SRCIN1: variants seen among roughly 807,000 people sequenced by gnomAD.
SRCIN1 encodes the protein SRC kinase signaling inhibitor 1.
SRCIN1 carries 50 observed loss-of-function variants against 116.2 expected under a neutral mutation model. That is an observed-to-expected ratio of 0.43 (90% CI 0.34 to 0.54). The LOEUF is 0.54. SRCIN1 is among the 20% of genes least tolerant of loss of function. The pLI, the probability that SRCIN1 is intolerant of heterozygous loss-of-function variation, is 0.02. For synonymous variants in SRCIN1, 736 were observed against 750.0 expected (o/e 0.98, Z 0.30); for missense variants, 1,446 against 1,672.0 (o/e 0.86, Z 2.36).
At chr17:38,541,213 C>T (rs933376481) in intron 18 of SRCIN1, 4 of 149,886 alleles carry the variant, frequency 2.7e-5, no homozygotes, top group African/African-American at 7.5e-5. Context: ...CACTCCAGCC[C>T]GGGTGACAGT....
chr17:38,594,496 C>T (rs548528264), intron 1 of SRCIN1, among the ~76,000 whole-genome samples: 36 of 152,124 alleles, frequency 2.4e-4, no homozygotes, highest in African/African-American at 8.7e-4. Context: ...GAAAATAGCC[C>T]CTCTCCTAAG....
rs1042661000 is a variant in SRCIN1, at chr17:38,568,967, A to C, written c.325-736T>G. Among the ~76,000 whole-genome samples the C allele has an allele frequency of 1.4e-5, 2 of 148,046 alleles. No homozygotes were observed. Among genetic ancestry groups the C allele is most frequent in the Non-Finnish European group, 3.1e-5 (2 of 65,176 alleles). Reference sequence around the variant, plus strand: ...GGAGGGGGGCTGGGGCCCAAGGCCAAGAGAGAGAGGCCTATGCAGCATGGT... The same window carrying C: ...GGAGGGGGGCTGGGGCCCAAGGCCACGAGAGAGAGGCCTATGCAGCATGGT... On this transcript the variant is annotated intron_variant, in intron 2 of 18. Transcript: ENST00000617146. This position sits in a 1 kb window ranked among gnomAD's most constrained non-coding sequence, Gnocchi z 4.5.
In SRCIN1 at chr17:38,544,271, C is replaced by A. The variant is rs1434144916; in HGVS notation, c.3271-302G>T. On this transcript the variant is annotated intron_variant, in intron 17 of 18. Transcript: ENST00000617146. The surrounding 1 kb of genome is among the most constrained non-coding windows in gnomAD (Gnocchi z 4.5). ...GGCAGCTGATGCCCTCCTTGGGGAG[C>A]CTCTGCTAAAGTGAGGGTCCCCAGC... Among the ~76,000 whole-genome samples the A allele has an allele frequency of 2.0e-5, 3 of 152,080 alleles. No individual in the cohort carries two copies. The highest frequency in any genetic ancestry group is 4.4e-5 in the Non-Finnish European group (3 of 67,984).
chr17:38,558,213 G>T lies in SRCIN1; in HGVS notation c.2201+14C>A, dbSNP rs568962841. On this transcript the variant is annotated intron_variant, in intron 11 of 18. Coordinates refer to ENST00000617146, the MANE Select transcript of SRCIN1 (RefSeq NM_025248.3). This position sits in a 1 kb window ranked among gnomAD's most constrained non-coding sequence, Gnocchi z 4.6. ...GCACCCCCACCCCTCCCTCCGCCGCGGGCCCAGCCTCACTTGAGCTGCTGG... is the reference window on the plus strand; with the variant it reads ...GCACCCCCACCCCTCCCTCCGCCGCTGGCCCAGCCTCACTTGAGCTGCTGG... 3 of 1,603,542 alleles carry T rather than the reference G, an allele frequency of 1.9e-6. No homozygotes were observed. The highest frequency in any genetic ancestry group is 8.5e-7 in the Non-Finnish European group (1 of 1,172,470).
chr17:38,543,086 C>T (rs1039102440), intron 18 of SRCIN1: 8 of 456,598 alleles, frequency 1.8e-5, no homozygotes, highest in African/African-American at 6.0e-5. Context: ...TAAACACCCA[C>T]AGGTGAGGTA....
At chr17:38,545,082 G>A (rs1904998151) in intron 17 of SRCIN1, 1 of 152,722 alleles carries the variant, frequency 6.5e-6, no homozygotes, top group Non-Finnish European at 1.5e-5. Flanking sequence ...CATGTCCAGA[G>A]TCCTTGAGGA....
At chr17:38,538,193 C>A (rs1362248264) in intron 18 of SRCIN1, among the ~76,000 whole-genome samples, 1 of 150,758 alleles carries the variant, frequency 6.6e-6, no homozygotes, top group Non-Finnish European at 1.5e-5. Context: ...CTGAGGTGGG[C>A]GAATCACGAG....
At chr17:38,598,864 G>GT (rs1306387621) in intron 1 of SRCIN1, among the ~76,000 whole-genome samples, 2 of 152,170 alleles carry the variant, frequency 1.3e-5, no homozygotes, top group Non-Finnish European at 2.9e-5. Context: ...GAGGAAAACA[G>GT]TGAGTTTAGA....
At chr17:38,559,548 G>A in intron 10 of SRCIN1, 37 bp downstream of exon 10, 1 of 1,583,382 alleles carries the variant, frequency 6.3e-7, no homozygotes, top group Non-Finnish European at 8.5e-7. Flanking sequence ...ACCAGTAGGT[G>A]GGCGTTGGTG....
At chr17:38,561,080 T>C (rs1042299489) in intron 7 of SRCIN1, among the ~76,000 whole-genome samples, 1 of 152,210 alleles carries the variant, frequency 6.6e-6, no homozygotes, top group Non-Finnish European at 1.5e-5. Flanking sequence ...GGACTTCAGC[T>C]GTCCCGGTGC....
chr17:38,548,674 G>A lies in SRCIN1; in HGVS notation c.3153C>T (p.Pro1051=). Residue 1051 remains proline, a synonymous_variant, in exon 17 of 19, where the codon CCC becomes CCT. Transcript: ENST00000617146. ...ACACAGCCCGGCGCAGCTTCACCTG[G>A]GGCTTCTGCACCTCCAGCTCCTCGG... ...AESEELEVQK[P]QVKLRRAVSE... is the part of the protein sequence containing the mutation. The A allele has an allele frequency of 6.2e-7, 1 of 1,611,182 alleles. No individual in the cohort carries two copies. Among genetic ancestry groups the A allele is most frequent in the Non-Finnish European group, 8.5e-7 (1 of 1,179,158 alleles).
rs1354425004 is a variant in SRCIN1, at chr17:38,562,789, C to T, written c.834+38G>A. On this transcript the variant is annotated intron_variant, in intron 6 of 18. Coordinates refer to ENST00000617146, the MANE Select transcript of SRCIN1 (RefSeq NM_025248.3). The surrounding 1 kb of genome is among the most constrained non-coding windows in gnomAD (Gnocchi z 4.2). ...ACCCTGCTCCCCTGGACCCCATGTG[C>T]CCAGCCTCCCCAATGCCCTGGGCAT... The T allele has an allele frequency of 1.3e-6, 2 of 1,580,736 alleles. No homozygotes were observed.
At chr17:38,535,212 T>TTC (rs919371357) in intron 18 of SRCIN1, among the ~76,000 whole-genome samples, 1 of 149,220 alleles carries the variant, frequency 6.7e-6, no homozygotes, top group African/African-American at 2.5e-5. Context: ...TTTCTTTCTT[T>TTC]TTTTTTTTTT....
chr17:38,552,149 T>C lies in SRCIN1; in HGVS notation c.2481-17A>G. ...TCCACTTGCCTGGGGTTGGGAGAGT[T>C]GGGAGCAGCTGTGAGGCCAGCAGGT... On this transcript the variant is annotated splice_polypyrimidine_tract_variant and intron_variant, in intron 13 of 18. Coordinates refer to ENST00000617146, the MANE Select transcript of SRCIN1 (RefSeq NM_025248.3). This position sits in a 1 kb window ranked among gnomAD's most constrained non-coding sequence, Gnocchi z 5.3. The C allele has an allele frequency of 2.5e-6, 4 of 1,599,012 alleles. No individual in the cohort carries two copies. The highest frequency in any genetic ancestry group is 2.6e-6 in the Non-Finnish European group (3 of 1,171,174).
At chr17:38,589,757 C>G (rs1489349136) in intron 1 of SRCIN1, among the ~76,000 whole-genome samples, 1 of 152,196 alleles carries the variant, frequency 6.6e-6, no homozygotes, top group African/African-American at 2.4e-5. Flanking sequence ...GGACCCAAGG[C>G]TTAGCTCTCA....
chr17:38,566,778 G>T (rs1274647676), intron 3 of SRCIN1, among the ~76,000 whole-genome samples: 1 of 152,174 alleles, frequency 6.6e-6, no homozygotes, highest in Non-Finnish European at 1.5e-5. Context: ...TAGCTAATGA[G>T]GTCAGCTACC....
rs1567890485 is a variant in SRCIN1, at chr17:38,604,925, G to A, written c.22+759C>T. Among the ~76,000 whole-genome samples the A allele has an allele frequency of 6.6e-6, 1 of 151,650 alleles. No homozygotes were observed. The highest frequency in any genetic ancestry group is 1.5e-5 in the Non-Finnish European group (1 of 67,832). The stretch of plus-strand genomic sequence containing the variant: ...CTGCCCCCTGGCCTCTGCAGGGGGA[G>A]GGGTTAAGATCAAATAGCCCCTCCC... On this transcript the variant is annotated intron_variant, in intron 1 of 18. Coordinates refer to ENST00000617146, the MANE Select transcript of SRCIN1 (RefSeq NM_025248.3). This position sits in a 1 kb window ranked among gnomAD's most constrained non-coding sequence, Gnocchi z 4.3.
At chr17:38,565,858 G>A (rs1371923454) in intron 3 of SRCIN1, among the ~76,000 whole-genome samples, 1 of 152,176 alleles carries the variant, frequency 6.6e-6, no homozygotes, top group Non-Finnish European at 1.5e-5. Context: ...CTTGGCAGGA[G>A]GAAGGCAGCA....
Position 38,552,233 on chromosome 17 carries a change from G to A in SRCIN1, c.2481-101C>T. The stretch of plus-strand genomic sequence containing the variant: ...AGGTGGGGTGGGAGGCAGGCTCTGG[G>A]ATGCTGTGGGAGGGCCTGGGGAGGA... On this transcript the variant is annotated intron_variant, in intron 13 of 18. Transcript: ENST00000617146. This position sits in a 1 kb window ranked among gnomAD's most constrained non-coding sequence, Gnocchi z 5.3. 6.6e-7 allele frequency: 1 copy of A among 1,514,698 alleles called. No homozygotes were observed. The highest frequency in any genetic ancestry group is 8.9e-7 in the Non-Finnish European group (1 of 1,123,614). The allele number at this position is 1,514,698 out of a possible 1,614,324, so 93.8% of individuals were successfully genotyped here. A position where few individuals can be genotyped will look rare whatever the true frequency, so the allele number is the denominator to read the frequency against.
Sources: allele counts gnomAD v4.1 joint callset (sites outside exome capture counted in the v4.1 genomes callset), GRCh38; gene constraint gnomAD v4.1.1; non-coding constraint Gnocchi (gnomAD v3.1); transcripts MANE v1.5; gene names NCBI Gene and HGNC (gene_info 2026-07-23, HGNC 2026-07-21).